Variants in SYN2 observed in about 807,000 individuals in gnomAD.
SYN2 encodes the protein synapsin II.
A neutral mutation model predicts 50.9 loss-of-function variants in SYN2; 19 were observed. The ratio of observed to expected loss-of-function variants is 0.37; its 90% CI spans 0.26 to 0.55. The LOEUF (loss-of-function observed/expected upper bound fraction) is 0.55. SYN2 is among the 20% of genes least tolerant of loss of function. The probability of loss-of-function intolerance (pLI) is 0.81; values close to 1 mark genes in which losing one functional copy is unlikely to be tolerated. For synonymous variants in SYN2, 255 were observed against 224.9 expected (o/e 1.13, Z -1.20); for missense variants, 587 against 576.4 (o/e 1.02, Z -0.19).
intron 7 of SYN2, among the ~76,000 whole-genome samples, chr3:12,165,910 G>T (rs962592066): frequency 1.3e-5 from 2 of 151,884 alleles, no homozygotes; most frequent in African/African-American, 4.8e-5. Flanking sequence ...AGGATTCCTG[G>T]ACTTTTATCT....
intron 1 of SYN2, among the ~76,000 whole-genome samples, chr3:12,025,739 A>G (rs1694244544): frequency 6.6e-6 from 1 of 152,100 alleles, no homozygotes; most frequent in African/African-American, 2.4e-5. Context: ...CATAGTGCCT[A>G]GCTGGCCCTG....
At chr3:12,173,883 G>C (rs1200543050) in intron 10 of SYN2, among the ~76,000 whole-genome samples, 2 of 152,116 alleles carry the variant, frequency 1.3e-5, no homozygotes, top group African/African-American at 4.8e-5. Context: ...CAGTGCACCT[G>C]GGTGACAGAG....
chr3:12,160,587 C>T (rs1439793002), intron 5 of SYN2, among the ~76,000 whole-genome samples: 1 of 152,186 alleles, frequency 6.6e-6, no homozygotes, highest in Non-Finnish European at 1.5e-5. Flanking sequence ...GTTCTTCATA[C>T]AATGTTCAGA....
At position 12,141,935 on chromosome 3, in the gene SYN2, CA is replaced by C; in HGVS notation, c.467del (p.His156LeufsTer46). On this transcript the variant is annotated frameshift_variant, in exon 3 of 13. Transcript: ENST00000621198. LOFTEE classifies it high-confidence loss of function. ...AEFSELNLVA[H>X]ADGTYAVDMQ... ...ATTTTCAGAGCTCAACCTGGTGGCC[CA>C]TGCAGATGGCACCTATGCTGTGGAT... 1.3e-6 allele frequency: 1 copy of C among 780,758 alleles called. No individual in the cohort carries two copies. Among genetic ancestry groups the C allele is most frequent in the Non-Finnish European group, 2.4e-6 (1 of 417,932 alleles). The allele number at this position is 780,758 out of a possible 1,614,324, so 48.4% of individuals were successfully genotyped here.
intron 1 of SYN2, among the ~76,000 whole-genome samples, chr3:12,085,620 C>T (rs1042772902): frequency 1.5e-4 from 23 of 152,054 alleles, no homozygotes; most frequent in African/African-American, 4.1e-4. Flanking sequence ...AAAATTAACA[C>T]GTATGTGGAA....
intron 1 of SYN2, among the ~76,000 whole-genome samples, chr3:12,008,974 C>T (rs1006252793): frequency 1.3e-5 from 2 of 152,138 alleles, no homozygotes; most frequent in African/African-American, 4.8e-5. Context: ...AGCATTTCAT[C>T]AAGAATAGAG....
Position 12,085,740 on chromosome 3 carries a change from T to C in SYN2, c.378-54911T>C, listed in dbSNP as rs776962087. ...TGGAAACACAGCATACCAAAACTTA[T>C]GGGATGCAGCAAAAGCAGTCCTGAG... is the stretch of plus-strand genomic sequence containing the variant. On this transcript the variant is annotated intron_variant, in intron 1 of 12. Coordinates refer to ENST00000621198, the MANE Select transcript of SYN2 (RefSeq NM_133625.6). Among the ~76,000 whole-genome samples the C allele has an allele frequency of 3.9e-5, 6 of 152,274 alleles. No homozygotes were observed. The East Asian group carries it at 9.6e-4, about 24-fold the overall frequency.
intron 1 of SYN2, among the ~76,000 whole-genome samples, chr3:12,015,751 T>C (rs1694017933): frequency 6.6e-6 from 1 of 152,232 alleles, no homozygotes; most frequent in Admixed American, 6.5e-5. Context: ...TTGTGCTCTC[T>C]GCTTCTCCTC....
chr3:12,105,296 C>G (rs307553), intron 1 of SYN2, among the ~76,000 whole-genome samples: 138,117 of 151,784 alleles, frequency 0.91, 62,868 homozygotes, highest in East Asian at 1. Context: ...GCCTGCTGAA[C>G]TCATTTTTGG....
chr3:12,008,489 C>T (rs778344105), intron 1 of SYN2, among the ~76,000 whole-genome samples: 2 of 152,174 alleles, frequency 1.3e-5, no homozygotes, highest in African/African-American at 2.4e-5. Context: ...GCATTTTGAA[C>T]TGCAGAATCT....
At chr3:12,047,911 T>C (rs975689516) in intron 1 of SYN2, among the ~76,000 whole-genome samples, 1 of 152,248 alleles carries the variant, frequency 6.6e-6, no homozygotes, top group African/African-American at 2.4e-5. Flanking sequence ...AGATTTAAGA[T>C]GGTTCAATAA....
intron 1 of SYN2, among the ~76,000 whole-genome samples, chr3:12,128,905 A>G (rs555989023): frequency 2.0e-5 from 3 of 152,328 alleles, no homozygotes; most frequent in Non-Finnish European, 4.4e-5. Context: ...GAGCACTAAC[A>G]TGTACCAGGC....
chr3:12,058,470 C>A (rs972482958), intron 1 of SYN2, among the ~76,000 whole-genome samples: 1 of 152,168 alleles, frequency 6.6e-6, no homozygotes, highest in Non-Finnish European at 1.5e-5. Flanking sequence ...CTTTTCCTGA[C>A]AAATGATTAT....
At chr3:12,055,756 C>T (rs987968088) in intron 1 of SYN2, among the ~76,000 whole-genome samples, 3 of 152,096 alleles carry the variant, frequency 2.0e-5, no homozygotes, top group Non-Finnish European at 1.5e-5. Flanking sequence ...CTTTGAATTT[C>T]ATTTTCTATT....
At chr3:12,132,584 C>T (rs1238912781) in intron 1 of SYN2, among the ~76,000 whole-genome samples, 1 of 152,296 alleles carries the variant, frequency 6.6e-6, no homozygotes, top group Middle Eastern at 3.4e-3. Flanking sequence ...AGACTGAAGA[C>T]GACTCATTAT....
intron 1 of SYN2, among the ~76,000 whole-genome samples, chr3:12,060,499 C>T (rs1168371218): frequency 6.6e-6 from 1 of 152,144 alleles, no homozygotes; most frequent in Non-Finnish European, 1.5e-5. Flanking sequence ...AGGTGACAGG[C>T]CCACTGAATG....
intron 1 of SYN2, among the ~76,000 whole-genome samples, chr3:12,089,096 T>A (rs1695772824): frequency 6.6e-6 from 1 of 152,240 alleles, no homozygotes; most frequent in Non-Finnish European, 1.5e-5. Context: ...CTGCAACATA[T>A]ACACATATCA....
intron 10 of SYN2, among the ~76,000 whole-genome samples, chr3:12,172,112 T>C (rs896168467): frequency 2.0e-5 from 3 of 152,210 alleles, no homozygotes; most frequent in Non-Finnish European, 4.4e-5. Flanking sequence ...TATTGTGGAA[T>C]GCATACCATG....
chr3:12,079,783 G>T (rs1007996347), intron 1 of SYN2, among the ~76,000 whole-genome samples: 1 of 152,088 alleles, frequency 6.6e-6, no homozygotes, highest in Non-Finnish European at 1.5e-5. Context: ...TTGTTTCTCT[G>T]CCAGGTTTTG....
Sources: gnomAD v4.1 joint callset for allele counts (sites outside exome capture counted in the v4.1 genomes callset) on GRCh38, gnomAD v4.1.1 for gene constraint, MANE v1.5 for transcripts, NCBI Gene and HGNC (gene_info 2026-07-23, HGNC 2026-07-21) for gene names.